The following PJA2 variants were observed in gnomAD, a reference collection of about 807,000 sequenced individuals.
PJA2 encodes praja ring finger ubiquitin ligase 2.
PJA2 carries 25 observed loss-of-function variants against 69.3 expected under a neutral mutation model. That is an observed-to-expected ratio of 0.36 (90% CI 0.26 to 0.50). The LOEUF is 0.50. Ranked by LOEUF, PJA2 falls within the 20% of genes least tolerant of loss-of-function variation. The pLI, the probability that PJA2 is intolerant of heterozygous loss-of-function variation, is 0.96. For missense variants in PJA2, 809 were observed against 830.2 expected, an observed-to-expected ratio of 0.97 and a Z score of 0.31; for synonymous variants, 308 against 277.8, an observed-to-expected ratio of 1.11 and a Z score of -1.08.
intron 7 of PJA2, among the ~76,000 whole-genome samples, chr5:109,352,448 T>G (rs1409567346): frequency 1.3e-5 from 2 of 152,152 alleles, no homozygotes; most frequent in African/African-American, 4.8e-5. Context: ...ACGAAATGAG[T>G]GATCCTTAAT....
At chr5:109,365,611 T>C (rs1044284953) in intron 5 of PJA2, among the ~76,000 whole-genome samples, 1 of 152,124 alleles carries the variant, frequency 6.6e-6, no homozygotes, top group African/African-American at 2.4e-5. Flanking sequence ...TGTAATTTCA[T>C]CTGTTTATCA....
intron 1 of PJA2, among the ~76,000 whole-genome samples, chr5:109,391,396 G>A (rs995907841): frequency 2.0e-5 from 3 of 152,014 alleles, no homozygotes; most frequent in Admixed American, 2.0e-4. Flanking sequence ...GAGTCTGCTG[G>A]TGACAACTTC....
intron 1 of PJA2, among the ~76,000 whole-genome samples, chr5:109,402,108 G>A (rs960956228): frequency 1.3e-5 from 2 of 152,048 alleles, no homozygotes; most frequent in Non-Finnish European, 2.9e-5. Context: ...TTAAAAGAGA[G>A]GAAAAGTTGA....
chr5:109,339,660 C>T (rs1762007733), intron 9 of PJA2, among the ~76,000 whole-genome samples: 1 of 152,198 alleles, frequency 6.6e-6, no homozygotes, highest in African/African-American at 2.4e-5. Context: ...ACACCTACTT[C>T]CACTACTACC....
intron 7 of PJA2, among the ~76,000 whole-genome samples, chr5:109,348,068 T>G (rs1030880478): frequency 1.3e-5 from 2 of 152,202 alleles, no homozygotes; most frequent in African/African-American, 4.8e-5. Flanking sequence ...TATTAATCCA[T>G]AGTCTGTAGT....
Position 109,378,674 on chromosome 5 carries a change from A to G in PJA2, c.813T>C (p.Asn271=), listed in dbSNP as rs1172266606. ...CTGTCTGTCTTTCCTGGCTAGTATT[A>G]TTTTGTTGTTTCGTACTAACCATTT... ...QDEMVSTKQQ[N]NTSQERQTEH... Residue 271 remains asparagine, a synonymous_variant, in exon 4 of 10, where the codon AAT becomes AAC. Coordinates refer to ENST00000361189, the MANE Select transcript of PJA2 (RefSeq NM_014819.5). 3.7e-6 allele frequency: 6 copies of G among 1,613,830 alleles called. No homozygotes were observed. The highest frequency in any genetic ancestry group is 1.6e-4 in the Middle Eastern group (1 of 6,084).
intron 6 of PJA2, among the ~76,000 whole-genome samples, chr5:109,360,925 C>T (rs955483494): frequency 3.3e-5 from 5 of 152,082 alleles, no homozygotes; most frequent in Admixed American, 2.0e-4. Flanking sequence ...GTCAGGAATT[C>T]GAGACCAGCC....
chr5:109,356,226 TAAGATACC>T (rs1285966328), intron 6 of PJA2, among the ~76,000 whole-genome samples, 200 bp from the exon 7 acceptor site: 3 of 152,156 alleles, frequency 2.0e-5, no homozygotes, highest in Non-Finnish European at 4.4e-5. Flanking sequence ...GATGAGTAGT[TAAGATACC>T]ACTACCTCAT....
At chr5:109,405,516 A>C (rs548726986) in intron 1 of PJA2, among the ~76,000 whole-genome samples, 1 of 152,356 alleles carries the variant, frequency 6.6e-6, no homozygotes, top group East Asian at 1.9e-4. Context: ...AATACTTATA[A>C]GTAAAAATAA....
chr5:109,356,151 A>G (rs890809063), intron 6 of PJA2, 125 bp from the exon 7 acceptor site: 2 of 636,772 alleles, frequency 3.1e-6, no homozygotes, highest in Admixed American at 2.8e-5. Flanking sequence ...AGACCTTAAA[A>G]TATTTTAATA....
At chr5:109,344,904 A>G in intron 7 of PJA2, 85 bp from the exon 8 acceptor site, 2 of 801,756 alleles carry the variant, frequency 2.5e-6, no homozygotes, top group Non-Finnish European at 4.1e-6. Flanking sequence ...CCAAAATTAT[A>G]TCACCATTAT....
intron 5 of PJA2, 127 bp downstream of exon 5, chr5:109,368,434 A>G: frequency 1.4e-6 from 1 of 727,852 alleles, no homozygotes; most frequent in East Asian, 2.7e-5. Context: ...ATAATGAAAA[A>G]ATCAGGGGGG....
At chr5:109,340,484 G>A (rs1762022308) in intron 9 of PJA2, among the ~76,000 whole-genome samples, 1 of 151,610 alleles carries the variant, frequency 6.6e-6, no homozygotes, top group South Asian at 2.1e-4. Flanking sequence ...TAGATAATTT[G>A]GGAAAGTGAC....
At chr5:109,341,213 G>A (rs1166850879) in intron 9 of PJA2, among the ~76,000 whole-genome samples, 8 of 140,582 alleles carry the variant, frequency 5.7e-5, no homozygotes, top group African/African-American at 1.3e-4. Context: ...CTTCCCAGCC[G>A]CCATCACATC....
At chr5:109,393,271 T>C (rs1747321702) in intron 1 of PJA2, among the ~76,000 whole-genome samples, 1 of 152,156 alleles carries the variant, frequency 6.6e-6, no homozygotes, top group Non-Finnish European at 1.5e-5. Flanking sequence ...AGTCATAAAT[T>C]AGAACAAGTT....
At chr5:109,372,907 A>AC (rs1762698579) in intron 4 of PJA2, among the ~76,000 whole-genome samples, 3 of 93,062 alleles carry the variant, frequency 3.2e-5, no homozygotes, top group African/African-American at 1.4e-4. Context: ...CTCCGTCTCA[A>AC]AAAAAAAAAA....
intron 2 of PJA2, among the ~76,000 whole-genome samples, chr5:109,382,970 C>T (rs566924716): frequency 1.6e-4 from 25 of 151,960 alleles, no homozygotes; most frequent in Non-Finnish European, 2.9e-4. Context: ...ATTTATAATA[C>T]ACGCACATAT....
intron 2 of PJA2, among the ~76,000 whole-genome samples, chr5:109,382,438 A>C (rs190608335): frequency 1.3e-5 from 2 of 152,222 alleles, no homozygotes; most frequent in Non-Finnish European, 2.9e-5. Context: ...TAAGTAGTAC[A>C]TTATTATACA....
intron 9 of PJA2, among the ~76,000 whole-genome samples, chr5:109,341,779 G>C (rs1191100135): frequency 8.6e-6 from 1 of 115,860 alleles, no homozygotes; most frequent in Non-Finnish European, 1.9e-5. Flanking sequence ...GGGAGGTGGG[G>C]GGGTCGGCCC....
Sources: allele counts gnomAD v4.1 joint callset (sites outside exome capture counted in the v4.1 genomes callset), GRCh38; gene constraint gnomAD v4.1.1; transcripts MANE v1.5; gene names NCBI Gene and HGNC (gene_info 2026-07-23, HGNC 2026-07-21).